CTSL: variants seen among roughly 807,000 people sequenced by gnomAD.
The protein encoded by CTSL is cathepsin L, also known as procathepsin L.
CTSL carries 23 observed loss-of-function variants against 34.7 expected under a neutral mutation model. That is an observed-to-expected ratio of 0.66 (90% CI 0.48 to 0.94). CTSL has a LOEUF of 0.94. CTSL is among the 40% of genes least tolerant of loss of function. The pLI, the probability that CTSL is intolerant of heterozygous loss-of-function variation, is 0.00. For missense variants in CTSL, 361 were observed against 406.3 expected (o/e 0.89, Z 0.96); for synonymous variants, 129 against 136.7 (o/e 0.94, Z 0.39).
At chr9:87,729,087 T>C (rs1826154371) in intron 5 of CTSL, 1 of 770,412 alleles carries the variant, frequency 1.3e-6, no homozygotes, top group African/African-American at 1.7e-5. Context: ...TATGCTGAGG[T>C]AGGGCGATTG....
Position 87,729,744 on chromosome 9 carries a change from A to G in CTSL, c.784+9A>G. 3 of 1,587,394 alleles carry G rather than the reference A, an allele frequency of 1.9e-6. No individual in the cohort carries two copies. Among genetic ancestry groups the G allele is most frequent in the Non-Finnish European group, 2.6e-6 (3 of 1,168,870 alleles). On this transcript the variant is annotated intron_variant, in intron 6 of 7. Transcript: ENST00000343150. ...CCTGTTCTATAAAGAAGGTAAGCAT[A>G]TTTTTCTTTGTAGAAATTGATGCAG...
In CTSL at chr9:87,728,295, A is replaced by C; in HGVS notation, c.295A>C (p.Lys99Gln). 6.2e-7 allele frequency: 1 copy of C among 1,614,206 alleles called. No homozygotes were observed. Among genetic ancestry groups the C allele is most frequent in the Non-Finnish European group, 8.5e-7 (1 of 1,180,030 alleles). The change falls in exon 4 of 8, where the codon AAG (lysine) becomes CAG (glutamine). Residue 99 changes from lysine to glutamine, a missense_variant. Coordinates refer to ENST00000343150, the MANE Select transcript of CTSL (RefSeq NM_001912.5). ...GGTGATGAATGGCTTTCAAAACCGTAAGCCCAGGAAGGGGAAAGTGTTCCA... is the reference window on the plus strand; with the variant it reads ...GGTGATGAATGGCTTTCAAAACCGTCAGCCCAGGAAGGGGAAAGTGTTCCA... The part of the protein sequence containing the change: ...RQVMNGFQNR[K>Q]PRKGKVFQEP...
chr9:87,728,923 C>G, intron 5 of CTSL, 114 bp downstream of exon 5: 3 of 1,523,868 alleles, frequency 2.0e-6, no homozygotes, highest in Non-Finnish European at 2.6e-6. Context: ...GGGTGGCTCA[C>G]GCCTGTAATC....
Position 87,730,701 on chromosome 9 carries a change from C to T in CTSL, c.902+203C>T. ...GGGAGTATGAATATAGTATTTGTTCCATTGTATAAAGGTGTATCTAAATCT... is the reference window on the plus strand; with the variant it reads ...GGGAGTATGAATATAGTATTTGTTCTATTGTATAAAGGTGTATCTAAATCT... On this transcript the variant is annotated intron_variant, in intron 7 of 7. Transcript: ENST00000343150. 1.3e-5 allele frequency among the ~76,000 whole-genome samples: 2 copies of T among 152,188 alleles called. 1 individual carries two copies. Among genetic ancestry groups the T allele is most frequent in the Non-Finnish European group, 2.9e-5 (2 of 68,042 alleles).
In CTSL at chr9:87,726,348, G is replaced by A. The variant is rs561529814; in HGVS notation, c.-61G>A. The A allele has an allele frequency of 1.2e-4, 18 of 152,682 alleles. No individual in the cohort carries two copies. Among genetic ancestry groups the A allele is most frequent in the African/African-American group, 4.1e-4 (17 of 41,580 alleles). The allele number at this position is 152,682 out of a possible 1,614,324, so 9.5% of individuals were successfully genotyped here. ...GAGGGCAGTTGAGGACCCCGCGGAGGCGCGTGACTGGTTGAGCGGGCAGGC... is the reference window on the plus strand; with the variant it reads ...GAGGGCAGTTGAGGACCCCGCGGAGACGCGTGACTGGTTGAGCGGGCAGGC... On this transcript the variant is annotated 5_prime_UTR_variant, in exon 1 of 8. Coordinates refer to ENST00000343150, the MANE Select transcript of CTSL (RefSeq NM_001912.5).
intron 6 of CTSL, 41 bp from the exon 7 acceptor site, chr9:87,730,340 C>T (rs1405011608): frequency 1.4e-6 from 2 of 1,412,466 alleles, no homozygotes; most frequent in Non-Finnish European, 9.9e-7. Flanking sequence ...GTCATGTGTC[C>T]TCTGGAGCTT....
Position 87,728,355 on chromosome 9 carries a change from G to T in CTSL, c.355G>T (p.Asp119Tyr), listed in dbSNP as rs1221305842. The T allele has an allele frequency of 6.2e-7, 1 of 1,614,072 alleles. No individual in the cohort carries two copies. The highest frequency in any genetic ancestry group is 1.3e-5 in the African/African-American group (1 of 74,928). The change falls in exon 4 of 8, where the codon GAT becomes TAT. Residue 119 changes from aspartate (D) to tyrosine (Y), a missense_variant. Asp to Tyr is a radical substitution (Grantham distance 160, BLOSUM62 -3). Coordinates refer to ENST00000343150, the MANE Select transcript of CTSL (RefSeq NM_001912.5). ...PLFYEAPRSV[D>Y]WREKGYVTPV... ...GTTTTATGAGGCCCCCAGATCTGTGGATTGGAGAGAGAAAGGCTACGTGAC... is the reference window on the plus strand; with the variant it reads ...GTTTTATGAGGCCCCCAGATCTGTGTATTGGAGAGAGAAAGGCTACGTGAC...
rs41312184 is a variant in CTSL at position 87,726,151 on chromosome 9, C to T, written c.-258C>T. The T allele has an allele frequency of 0.013, 1,997 of 152,500 alleles. 21 individuals are homozygous for T. Among genetic ancestry groups the T allele is most frequent in the Non-Finnish European group, 0.02 (1,386 of 68,182 alleles). 9.4% of individuals were successfully genotyped at this position (152,500 alleles called of 1,614,324 possible). Reference sequence around the variant, plus strand: ...CGACCTCCGCAACCTTGAGCGGCATCCGTGGAGTGCGCCTGCGCAGCTACG... The same window carrying T: ...CGACCTCCGCAACCTTGAGCGGCATTCGTGGAGTGCGCCTGCGCAGCTACG... On this transcript the variant is annotated 5_prime_UTR_variant, in exon 1 of 8. Transcript: ENST00000343150.
chr9:87,727,358 C>A (rs1399219672), intron 1 of CTSL, among the ~76,000 whole-genome samples: 1 of 151,934 alleles, frequency 6.6e-6, no homozygotes, highest in African/African-American at 2.4e-5. Flanking sequence ...TAAACTGTTT[C>A]AGCTCCTACA....
intron 1 of CTSL, 79 bp from the exon 2 acceptor site, chr9:87,727,515 G>A (rs999378161): frequency 1.5e-6 from 2 of 1,350,806 alleles, no homozygotes; most frequent in South Asian, 1.2e-5. Context: ...CTACCATGGT[G>A]GCCCTAATTT....
rs1437064811 is a variant in CTSL, at chr9:87,727,708, G to A, written c.105G>A (p.Met35Ile). The A allele has an allele frequency of 1.2e-5, 20 of 1,614,064 alleles. No homozygotes were observed. The highest frequency in any genetic ancestry group is 1.7e-5 in the Non-Finnish European group (20 of 1,180,046). ...CACAGTGGACCAAGTGGAAGGCGAT[G>A]CACAACAGATTATACGGCATGGTTA... is the stretch of plus-strand genomic sequence containing the variant. ...LEAQWTKWKA[M>I]HNRLYGMNEE... Residue 35 changes from methionine (M) to isoleucine (I), a missense_variant, in exon 2 of 8, where the codon ATG becomes ATA. Coordinates refer to ENST00000343150, the MANE Select transcript of CTSL (RefSeq NM_001912.5).
At chr9:87,730,147 C>G (rs1338024692) in intron 6 of CTSL, among the ~76,000 whole-genome samples, 1 of 151,476 alleles carries the variant, frequency 6.6e-6, no homozygotes, top group Non-Finnish European at 1.5e-5. Flanking sequence ...AAAGAGGGGT[C>G]TTTTTTTCCT....
chr9:87,731,130 G>A lies in CTSL; in HGVS notation c.*23G>A, dbSNP rs771405497. On this transcript the variant is annotated 3_prime_UTR_variant, in exon 8 of 8. Transcript: ENST00000343150. Reference sequence around the variant, plus strand: ...TGAGCTGGTGGACGGTGATGAGGAAGGACTTGACTGGGGATGGCGCATGCA... The same window carrying A: ...TGAGCTGGTGGACGGTGATGAGGAAAGACTTGACTGGGGATGGCGCATGCA... The A allele has an allele frequency of 7.6e-6, 12 of 1,588,618 alleles. No individual in the cohort carries two copies. The highest frequency in any genetic ancestry group is 9.5e-6 in the Non-Finnish European group (11 of 1,157,576).
chr9:87,730,611 A>G (rs1826221489), intron 7 of CTSL, 113 bp downstream of exon 7: 1 of 697,854 alleles, frequency 1.4e-6, no homozygotes, highest in Admixed American at 2.8e-5. Context: ...AATCCCCAGA[A>G]GTCTAAGTTG....
rs774766552 is a variant in CTSL at position 87,729,706 on chromosome 9, G to C, written c.755G>C (p.Gly252Ala). Residue 252 changes from glycine (G) to alanine (A), a missense_variant, in exon 6 of 8, where the codon GGT becomes GCT. Gly to Ala is a moderately conservative substitution (Grantham distance 60). Transcript: ENST00000343150. ...CCCATTTCTGTTGCTATTGATGCAG[G>C]TCATGAGTCCTTCCTGTTCTATAAA... ...VGPISVAIDA[G>A]HESFLFYKEG... 2 of 1,613,028 alleles carry C rather than the reference G, an allele frequency of 1.2e-6. No individual in the cohort carries two copies. The highest frequency in any genetic ancestry group is 3.3e-5 in the Admixed American group (2 of 59,756).
At chr9:87,729,980 A>C (rs138201847) in intron 6 of CTSL, among the ~76,000 whole-genome samples, 18 of 152,296 alleles carry the variant, frequency 1.2e-4, no homozygotes, top group African/African-American at 4.1e-4. Context: ...GTGTAGTTTA[A>C]TATACTTAAA....
In CTSL at chr9:87,730,304, C is replaced by A. The variant is rs1461139265; in HGVS notation, c.785-77C>A. 4 of 865,418 alleles carry A rather than the reference C, an allele frequency of 4.6e-6. No individual in the cohort carries two copies. In the African/African-American group the frequency reaches 5.2e-5, roughly 11 times the overall value. 53.6% of individuals were successfully genotyped at this position (865,418 alleles called of 1,614,324 possible). The stretch of plus-strand genomic sequence containing the variant: ...TCACTGAATTCAGAGATGCCTCATT[C>A]CCTGTGGGTGACAGGATGGGTTACT... On this transcript the variant is annotated intron_variant, in intron 6 of 7. Coordinates refer to ENST00000343150, the MANE Select transcript of CTSL (RefSeq NM_001912.5).
intron 1 of CTSL, among the ~76,000 whole-genome samples, chr9:87,727,218 A>G (rs1351413145): frequency 6.6e-6 from 1 of 152,166 alleles, no homozygotes; most frequent in African/African-American, 2.4e-5. Flanking sequence ...TTGCCTGGGC[A>G]CGAAACCTGG....
rs780766917 is a variant in CTSL at position 87,728,292 on chromosome 9, C to T, written c.292C>T (p.Arg98Cys). ...FRQVMNGFQN[R>C]KPRKGKVFQE... ...GCAGGTGATGAATGGCTTTCAAAAC[C>T]GTAAGCCCAGGAAGGGGAAAGTGTT... The change falls in exon 4 of 8, where the codon CGT (arginine) becomes TGT (cysteine). Residue 98 changes from arginine (R) to cysteine (C), a missense_variant. Arg to Cys is a radical substitution (Grantham distance 180, BLOSUM62 -3). Coordinates refer to ENST00000343150, the MANE Select transcript of CTSL (RefSeq NM_001912.5). 7 of 1,614,120 alleles carry T rather than the reference C, an allele frequency of 4.3e-6. No homozygotes were observed. Among genetic ancestry groups the T allele is most frequent in the East Asian group, 4.5e-5 (2 of 44,872 alleles).
Sources: allele counts gnomAD v4.1 joint callset (sites outside exome capture counted in the v4.1 genomes callset), GRCh38; gene constraint gnomAD v4.1.1; transcripts MANE v1.5; gene names NCBI Gene and HGNC (gene_info 2026-07-23, HGNC 2026-07-21).